The following RBFOX1 variants were observed in gnomAD, a reference collection of about 807,000 sequenced individuals.
RBFOX1 encodes the protein RNA binding fox-1 homolog 1.
RBFOX1 carries 8 observed loss-of-function variants against 57.7 expected under a neutral mutation model. That is an observed-to-expected ratio of 0.14 (90% CI 0.08 to 0.25). The LOEUF (loss-of-function observed/expected upper bound fraction) is 0.25, where lower values mean the gene tolerates loss of function less well. Ranked by LOEUF, RBFOX1 falls within the 10% of genes least tolerant of loss-of-function variation. The pLI is 1.00. For missense variants in RBFOX1, 611 were observed against 548.5 expected (o/e 1.11, Z -1.14); for synonymous variants, 326 against 222.4 (o/e 1.47, Z -4.15).
chr16:5,851,567 C>T (rs1476557511), intron 3 of RBFOX1, among the ~76,000 whole-genome samples: 1 of 152,132 alleles, frequency 6.6e-6, no homozygotes, highest in Non-Finnish European at 1.5e-5. Flanking sequence ...AACAGCAGGC[C>T]CAGCCCAGCT....
intron 3 of RBFOX1, among the ~76,000 whole-genome samples, chr16:6,771,089 C>T (rs532275447): frequency 6.6e-6 from 1 of 152,010 alleles, no homozygotes; most frequent in African/African-American, 2.4e-5. Context: ...TGTTTGGTGT[C>T]CTTATAAGAA....
chr16:6,886,314 G>A (rs1212666853), intron 3 of RBFOX1, among the ~76,000 whole-genome samples: 4 of 151,818 alleles, frequency 2.6e-5, no homozygotes, highest in African/African-American at 9.7e-5. Context: ...TGCCCACCTC[G>A]ACCTCCCAAA....
intron 3 of RBFOX1, among the ~76,000 whole-genome samples, chr16:6,785,350 G>C (rs1476319642): frequency 1.3e-5 from 2 of 152,146 alleles, no homozygotes; most frequent in South Asian, 2.1e-4. Context: ...AAATTTCCCA[G>C]TTGCCCTGTG....
At chr16:7,354,900 T>C (rs571040526) in intron 4 of RBFOX1, among the ~76,000 whole-genome samples, 13 of 152,336 alleles carry the variant, frequency 8.5e-5, no homozygotes, top group Non-Finnish European at 1.6e-4. Flanking sequence ...AAAGATTAAA[T>C]TAATTGTATT....
At chr16:6,055,414 G>A (rs946197449) in intron 1 of RBFOX1, among the ~76,000 whole-genome samples, 3 of 151,698 alleles carry the variant, frequency 2.0e-5, no homozygotes, top group Non-Finnish European at 4.4e-5. Context: ...CCAATATGGT[G>A]AGACCCCATC....
intron 3 of RBFOX1, among the ~76,000 whole-genome samples, chr16:6,948,819 G>C (rs1243996227): frequency 3.3e-5 from 5 of 152,166 alleles, no homozygotes; most frequent in Non-Finnish European, 7.3e-5. Flanking sequence ...CTAAATCCTA[G>C]AGAGATGATT....
At chr16:6,127,154 G>A (rs1461777882) in intron 1 of RBFOX1, among the ~76,000 whole-genome samples, 2 of 152,086 alleles carry the variant, frequency 1.3e-5, no homozygotes. Flanking sequence ...AAACTGGAAG[G>A]ATGTCAACAT....
intron 3 of RBFOX1, among the ~76,000 whole-genome samples, chr16:6,768,482 G>A (rs899001511): frequency 6.6e-6 from 1 of 151,724 alleles, no homozygotes; most frequent in East Asian, 1.9e-4. Flanking sequence ...CCTTCTAAAT[G>A]TACTTCCCTT....
intron 4 of RBFOX1, among the ~76,000 whole-genome samples, chr16:7,346,418 C>A (rs748347703): frequency 3.9e-5 from 6 of 151,984 alleles, no homozygotes; most frequent in Admixed American, 2.0e-4. Context: ...GCATTTTGTA[C>A]AGTTCCTTCC....
chr16:6,952,802 C>G (rs1292397955), intron 3 of RBFOX1, among the ~76,000 whole-genome samples: 5 of 151,994 alleles, frequency 3.3e-5, no homozygotes, highest in Non-Finnish European at 7.4e-5. Context: ...ATGGTGAAAC[C>G]CCATCTCTAC....
chr16:5,635,119 C>G (rs1229950783), intron 3 of RBFOX1, among the ~76,000 whole-genome samples: 1 of 152,146 alleles, frequency 6.6e-6, no homozygotes, highest in African/African-American at 2.4e-5. Context: ...CTGAACTACA[C>G]TGCTCCTCCT....
intron 3 of RBFOX1, among the ~76,000 whole-genome samples, chr16:5,792,761 T>C (rs2054745270): frequency 6.6e-6 from 1 of 152,166 alleles, no homozygotes; most frequent in Admixed American, 6.5e-5. Context: ...GAGAATCACT[T>C]GCACCCTGGA....
chr16:7,142,395 T>C (rs1343340046), intron 4 of RBFOX1, among the ~76,000 whole-genome samples: 1 of 152,138 alleles, frequency 6.6e-6, no homozygotes, highest in Non-Finnish European at 1.5e-5. Context: ...TGTCCTGAGC[T>C]TCTTGTTGAT....
intron 3 of RBFOX1, among the ~76,000 whole-genome samples, chr16:6,854,904 A>G (rs1396753369): frequency 1.3e-5 from 2 of 151,624 alleles, no homozygotes; most frequent in Admixed American, 6.6e-5. Context: ...GAGGTGAATA[A>G]TTTTTTTATT....
chr16:6,554,020 T>C (rs2097046808), intron 2 of RBFOX1, among the ~76,000 whole-genome samples: 1 of 149,558 alleles, frequency 6.7e-6, no homozygotes, highest in Non-Finnish European at 1.5e-5. Context: ...GATGAATAAA[T>C]GTGTTTTGAA....
intron 3 of RBFOX1, among the ~76,000 whole-genome samples, chr16:5,725,479 T>A (rs117334331): frequency 2.7e-3 from 417 of 152,048 alleles, no homozygotes; most frequent in Non-Finnish European, 4.7e-3. Flanking sequence ...TCCAGTCTTG[T>A]CTCAAACTTA....
chr16:5,543,560 T>C (rs1179346509), intron 2 of RBFOX1, among the ~76,000 whole-genome samples: 1 of 152,116 alleles, frequency 6.6e-6, no homozygotes, highest in Non-Finnish European at 1.5e-5. Flanking sequence ...TCAAGGAATT[T>C]AATATATGTG....
At chr16:6,451,181 C>T (rs1294140943) in intron 2 of RBFOX1, among the ~76,000 whole-genome samples, 1 of 151,680 alleles carries the variant, frequency 6.6e-6, no homozygotes. Flanking sequence ...AAAACTCTAC[C>T]TATTATTCTT....
intron 3 of RBFOX1, among the ~76,000 whole-genome samples, chr16:7,007,116 G>A (rs1486456725): frequency 6.6e-6 from 1 of 152,162 alleles, no homozygotes; most frequent in African/African-American, 2.4e-5. Flanking sequence ...GACTGATAAG[G>A]AGGCTCTGGG....
Sources: gnomAD v4.1 joint callset for allele counts (sites outside exome capture counted in the v4.1 genomes callset) on GRCh38, gnomAD v4.1.1 for gene constraint, MANE v1.5 for transcripts, NCBI Gene and HGNC (gene_info 2026-07-23, HGNC 2026-07-21) for gene names.